TSPAN6: variants seen among roughly 807,000 people sequenced by gnomAD.
TSPAN6 encodes tetraspanin-6.
TSPAN6 carries 13 observed loss-of-function variants against 18.0 expected under a neutral mutation model. That is an observed-to-expected ratio of 0.72 (90% CI 0.47 to 1.15). The LOEUF is 1.15. Ranked by LOEUF, TSPAN6 falls within the 50% of genes most tolerant of loss-of-function variation. The probability of loss-of-function intolerance (pLI) is 0.00; values close to 1 mark genes in which losing one functional copy is unlikely to be tolerated. For synonymous variants in TSPAN6, 82 were observed against 67.0 expected, an observed-to-expected ratio of 1.22 and a Z score of -1.09; for missense variants, 186 against 183.9, an observed-to-expected ratio of 1.01 and a Z score of -0.07.
In TSPAN6 at chrX:100,633,458, A is replaced by T; in HGVS notation, c.532T>A (p.Cys178Ser). Residue 178 changes from cysteine (C) to serine (S), a missense_variant, in exon 5 of 8, where the codon TGT (cysteine) becomes AGT (serine). Cys to Ser is a moderately radical substitution (Grantham distance 112). Transcript: ENST00000373020. ...YSEKGFPKSCCKLEDCTPQRD... is the reference protein window; with the variant it reads ...YSEKGFPKSCSKLEDCTPQRD... ...TGTGGAGTACAATCTTCAAGTTTAC[A>T]GCAACTCTTAGGAAATCCTTTTTCT... 1 of 1,207,550 alleles carries T rather than the reference A, an allele frequency of 8.3e-7. No homozygotes were observed. Among genetic ancestry groups the T allele is most frequent in the Non-Finnish European group, 1.1e-6 (1 of 891,907 alleles).
rs1569351659 is a variant in TSPAN6, at chrX:100,630,792, A to G, written c.*6T>C. 1 of 1,209,926 alleles carries G rather than the reference A, an allele frequency of 8.3e-7. No individual in the cohort carries two copies. The highest frequency in any genetic ancestry group is 1.1e-6 in the Non-Finnish European group (1 of 894,128). On this transcript the variant is annotated 3_prime_UTR_variant, in exon 7 of 8. Transcript: ENST00000373020. The stretch of plus-strand genomic sequence containing the variant: ...TAGAGAGGAATAGGCCCACAGATAC[A>G]TTGGGTTACACTATCTCATACTGGT...
chrX:100,633,453 T>C lies in TSPAN6; in HGVS notation c.537A>G (p.Lys179=). The C allele has an allele frequency of 2.5e-6, 3 of 1,208,600 alleles. No individual in the cohort carries two copies. Among genetic ancestry groups the C allele is most frequent in the Non-Finnish European group, 3.4e-6 (3 of 892,970 alleles). ...CTCTCTGTGGAGTACAATCTTCAAGTTTACAGCAACTCTTAGGAAATCCTT... is the reference window on the plus strand; with the variant it reads ...CTCTCTGTGGAGTACAATCTTCAAGCTTACAGCAACTCTTAGGAAATCCTT... The part of the protein sequence containing the change: ...SEKGFPKSCC[K]LEDCTPQRDA... The change falls in exon 5 of 8, where the codon AAA becomes AAG. Residue 179 remains lysine (K), a synonymous_variant. Coordinates refer to ENST00000373020, the MANE Select transcript of TSPAN6 (RefSeq NM_003270.4).
intron 6 of TSPAN6, chrX:100,631,951 T>C (rs894418008): frequency 8.8e-6 from 1 of 113,341 alleles, no homozygotes; most frequent in African/African-American, 3.3e-5. Context: ...CGTGCCATGG[T>C]GGTTTGCTGC....
intron 6 of TSPAN6, among the ~76,000 whole-genome samples, chrX:100,631,398 C>G (rs1435165749): frequency 8.9e-6 from 1 of 112,305 alleles, no homozygotes; most frequent in South Asian, 3.6e-4. Flanking sequence ...CTAGTGGCTA[C>G]TGCATTAGCA....
chrX:100,636,974 G>T, upstream of TSPAN6: 1 of 175,690 alleles, frequency 5.7e-6, no homozygotes, highest in Non-Finnish European at 1.1e-5. Flanking sequence ...TTTCTTCATT[G>T]TTTTTTTTCT....
chrX:100,631,638 AGGTTG>A (rs1187482237), intron 6 of TSPAN6, among the ~76,000 whole-genome samples: 1 of 111,541 alleles, frequency 9.0e-6, no homozygotes, highest in Non-Finnish European at 1.9e-5. Context: ...AAATTTTAAT[AGGTTG>A]GAACTTGTAT....
At chrX:100,634,090 C>T in intron 3 of TSPAN6, 61 bp from the exon 4 acceptor site, 1 of 757,551 alleles carries the variant, frequency 1.3e-6, no homozygotes. Context: ...GGTTTCAGGT[C>T]AAATAAGTTC....
intron 6 of TSPAN6, among the ~76,000 whole-genome samples, chrX:100,631,850 A>T (rs772196039): frequency 9.0e-6 from 1 of 111,543 alleles, no homozygotes; most frequent in African/African-American, 3.3e-5. Flanking sequence ...CTACAAGTTA[A>T]TTCTAAATCT....
intron 6 of TSPAN6, among the ~76,000 whole-genome samples, chrX:100,631,528 G>C (rs2083059199): frequency 9.0e-6 from 1 of 111,660 alleles, no homozygotes; most frequent in African/African-American, 3.3e-5. Context: ...CAAACTTCAT[G>C]CTACAGTGGG....
rs955215228 is a variant in TSPAN6 at position 100,628,997 on chromosome X, T to C, written c.*1029A>G. 8.9e-6 allele frequency: 1 copy of C among 112,249 alleles called. No homozygotes were observed. The highest frequency in any genetic ancestry group is 3.2e-5 in the African/African-American group (1 of 30,936). The allele number at this position is 112,249 out of a possible 1,213,427, so 9.3% of individuals were successfully genotyped here. On this transcript the variant is annotated 3_prime_UTR_variant, in exon 8 of 8. Transcript: ENST00000373020. ...GGAAAACAACAACCATTCCAGCAGA[T>C]TTTCTACAAGTTAATTTAAACACGA...
chrX:100,632,478 AACTTACTT>A lies in TSPAN6; in HGVS notation c.668_669+6del. The A allele has an allele frequency of 8.4e-7, 1 of 1,191,348 alleles. No homozygotes were observed. Among genetic ancestry groups the A allele is most frequent in the Non-Finnish European group, 1.1e-6 (1 of 877,619 alleles). ...GAAATATTTCCTAAGTAACTACAAA[AACTTACTT>A]GGAAGCAAGCAACTCCAAAGGAAAT... is the stretch of plus-strand genomic sequence containing the variant. On this transcript the variant is annotated splice_donor_variant and splice_donor_5th_base_variant and coding_sequence_variant and intron_variant, in exon 6 of 8. Transcript: ENST00000373020. LOFTEE classifies it high-confidence loss of function.
rs2083032738 is a variant in TSPAN6 at position 100,627,617 on chromosome X, C to T, written c.*2409G>A. ...AGGTGAAATGTTTCCTCATTACTTT[C>T]AGAATTAAGTATACAATTCAGTATG... On this transcript the variant is annotated 3_prime_UTR_variant, in exon 8 of 8. Coordinates refer to ENST00000373020, the MANE Select transcript of TSPAN6 (RefSeq NM_003270.4). 9.0e-6 allele frequency: 1 copy of T among 111,553 alleles called. No homozygotes were observed. The highest frequency in any genetic ancestry group is 1.9e-5 in the Non-Finnish European group (1 of 53,190). The allele number at this position is 111,553 out of a possible 1,213,427, so 9.2% of individuals were successfully genotyped here. A position where few individuals can be genotyped will look rare whatever the true frequency, so the allele number is the denominator to read the frequency against.
At position 100,633,433 on chromosome X, in the gene TSPAN6, T is replaced by C. The variant is rs2083073629; in HGVS notation, c.557A>G (p.Gln186Arg). ...ATTGTTTACTTTGTCTGCATCTCTC[T>C]GTGGAGTACAATCTTCAAGTTTACA... ...SCCKLEDCTP[Q>R]RDADKVNNEG... Residue 186 changes from glutamine to arginine, a missense_variant, in exon 5 of 8, where the codon CAG becomes CGG. Transcript: ENST00000373020. 8.3e-7 allele frequency: 1 copy of C among 1,207,189 alleles called. No individual in the cohort carries two copies. The highest frequency in any genetic ancestry group is 1.7e-5 in the African/African-American group (1 of 57,198).
chrX:100,633,180 G>A (rs190418709), intron 5 of TSPAN6, among the ~76,000 whole-genome samples: 1,222 of 110,948 alleles, frequency 0.011, 21 homozygotes, highest in African/African-American at 0.039. Context: ...TTAGCCAGGC[G>A]TGGTGGTGGG....
At position 100,629,524 on chromosome X, in the gene TSPAN6, G is replaced by C. The variant is rs1250120974; in HGVS notation, c.*502C>G. 1.8e-5 allele frequency: 2 copies of C among 112,036 alleles called. No individual in the cohort carries two copies. The highest frequency in any genetic ancestry group is 1.9e-5 in the Non-Finnish European group (1 of 53,195). 9.2% of individuals were successfully genotyped at this position (112,036 alleles called of 1,213,427 possible). On this transcript the variant is annotated 3_prime_UTR_variant, in exon 8 of 8. Transcript: ENST00000373020. ...TTATACAATCAAACCAGATAACCTT[G>C]ACTGGGAAGGAGCCAGTTCAGAGGG...
In TSPAN6 at chrX:100,636,728, C is replaced by T; in HGVS notation, c.-34G>A. On this transcript the variant is annotated 5_prime_UTR_variant, in exon 1 of 8. Transcript: ENST00000373020. ...CGAGACCCTGCACCACCGCACCGGG[C>T]GATTGGAACACAGAGAGCGAGACGC... 8.5e-7 allele frequency: 1 copy of T among 1,175,200 alleles called. No homozygotes were observed. Among genetic ancestry groups the T allele is most frequent in the Middle Eastern group, 2.4e-4 (1 of 4,186 alleles).
Position 100,630,924 on chromosome X carries a change from G to A in TSPAN6, c.670-58C>T, listed in dbSNP as rs374706423. ...TACACAAAAGAACTTGAACACCTCA[G>A]ACTATATTCTCCTCTCACTTGTAAT... is the stretch of plus-strand genomic sequence containing the variant. On this transcript the variant is annotated intron_variant, in intron 6 of 7. Coordinates refer to ENST00000373020, the MANE Select transcript of TSPAN6 (RefSeq NM_003270.4). 1,021 of 872,302 alleles carry A rather than the reference G, an allele frequency of 1.2e-3. 11 individuals are homozygous for A. The South Asian group carries it at 0.02, about 17-fold the overall frequency. The allele number at this position is 872,302 out of a possible 1,213,427, so 71.9% of individuals were successfully genotyped here.
rs1336984542 is a variant in TSPAN6 at position 100,636,751 on chromosome X, C to A, written c.-57G>T. On this transcript the variant is annotated 5_prime_UTR_variant, in exon 1 of 8. Coordinates refer to ENST00000373020, the MANE Select transcript of TSPAN6 (RefSeq NM_003270.4). ...GGCGATTGGAACACAGAGAGCGAGA[C>A]GCGGAGTCCCCGAGTCTCCCCGGAA... is the stretch of plus-strand genomic sequence containing the variant. 2.7e-6 allele frequency: 3 copies of A among 1,129,107 alleles called. No individual in the cohort carries two copies. Among genetic ancestry groups the A allele is most frequent in the East Asian group, 3.3e-5 (1 of 30,604 alleles). The allele number at this position is 1,129,107 out of a possible 1,213,427, so 93.1% of individuals were successfully genotyped here.
In TSPAN6 at chrX:100,629,831, G is replaced by A. The variant is rs8575; in HGVS notation, c.*195C>T. ...GATTGAATCAGCCCACTGCGAGCAC[G>A]GATCTTGATTGAATCAGCCTATTGG... On this transcript the variant is annotated 3_prime_UTR_variant, in exon 8 of 8. Transcript: ENST00000373020. 74,658 of 188,222 alleles carry A rather than the reference G, an allele frequency of 0.4. 11,530 individuals carry two copies. The highest frequency in any genetic ancestry group is 0.75 in the East Asian group (2,877 of 3,856). The allele number at this position is 188,222 out of a possible 1,213,427, so 15.5% of individuals were successfully genotyped here. A position where few individuals can be genotyped will look rare whatever the true frequency, so the allele number is the denominator to read the frequency against.
Sources: gnomAD v4.1 joint callset for allele counts (sites outside exome capture counted in the v4.1 genomes callset) on GRCh38, gnomAD v4.1.1 for gene constraint, MANE v1.5 for transcripts, NCBI Gene and HGNC (gene_info 2026-07-23, HGNC 2026-07-21) for gene names.